NCOA1: variants seen among roughly 807,000 people sequenced by gnomAD.
The protein encoded by NCOA1 is Hin-2 protein.
Under a neutral mutation model 150.9 loss-of-function variants are expected in NCOA1, and 35 were observed. The observed-to-expected ratio is 0.23, with a 90% CI of 0.18 to 0.31. The LOEUF is 0.31. Ranked by LOEUF, NCOA1 falls within the 10% of genes least tolerant of loss-of-function variation. NCOA1 has a pLI of 1.00. For missense variants in NCOA1, 1,491 were observed against 1,749.3 expected (o/e 0.85, Z 2.63); for synonymous variants, 590 against 630.0 (o/e 0.94, Z 0.95).
At position 24,606,007 on chromosome 2, in the gene NCOA1, T is replaced by C. The variant is rs56141977; in HGVS notation, c.-175+21447T>C. 5.8e-4 allele frequency among the ~76,000 whole-genome samples: 89 copies of C among 152,318 alleles called. 1 individual carries two copies. The highest frequency in any genetic ancestry group is 2.0e-3 in the African/African-American group (84 of 41,572). On this transcript the variant is annotated intron_variant, in intron 3 of 22. Coordinates refer to ENST00000348332, the MANE Select transcript of NCOA1 (RefSeq NM_003743.5). The stretch of plus-strand genomic sequence containing the variant: ...CTAATTTTAAAGAGCGTGCTTCTTA[T>C]ATTTCACAGATATCTACAGTACATT...
intron 8 of NCOA1, among the ~76,000 whole-genome samples, chr2:24,685,914 G>T (rs1478132718): frequency 3.3e-5 from 5 of 152,178 alleles, no homozygotes; most frequent in Non-Finnish European, 7.3e-5. Context: ...CTTTCATAGT[G>T]TGCTCTTAGA....
intron 1 of NCOA1, among the ~76,000 whole-genome samples, chr2:24,526,013 CA>C (rs768415213): frequency 2.6e-5 from 4 of 152,074 alleles, no homozygotes; most frequent in Non-Finnish European, 5.9e-5. Flanking sequence ...ATTTGAAGAT[CA>C]AATACAGACA....
chr2:24,747,984 T>C (rs1016303160), intron 19 of NCOA1, among the ~76,000 whole-genome samples: 4 of 152,108 alleles, frequency 2.6e-5, no homozygotes, highest in Admixed American at 1.3e-4. Flanking sequence ...CGCATGCCTG[T>C]AATCCCAGCT....
chr2:24,618,676 A>G (rs1668982819), intron 3 of NCOA1, among the ~76,000 whole-genome samples: 1 of 152,146 alleles, frequency 6.6e-6, no homozygotes, highest in Non-Finnish European at 1.5e-5. Context: ...TTCTACCTCT[A>G]CAAACTGCCA....
Position 24,693,112 on chromosome 2 carries a change from C to T in NCOA1, c.713-140C>T, listed in dbSNP as rs1048293221. 6.8e-6 allele frequency: 5 copies of T among 739,328 alleles called. 1 individual carries two copies. The highest frequency in any genetic ancestry group is 2.4e-4 in the Middle Eastern group (1 of 4,238). 45.8% of individuals were successfully genotyped at this position (739,328 alleles called of 1,614,324 possible). A position where few individuals can be genotyped will look rare whatever the true frequency, so the allele number is the denominator to read the frequency against. The stretch of plus-strand genomic sequence containing the variant: ...CTTGTGATCCACCCACCTCGGCCTC[C>T]CAAAGTGCTGGGATTACAGGCGTGA... On this transcript the variant is annotated intron_variant, in intron 9 of 22. Transcript: ENST00000348332.
chr2:24,607,189 G>GT (rs397976699), intron 3 of NCOA1, among the ~76,000 whole-genome samples: 37,482 of 139,308 alleles, frequency 0.27, 5,179 homozygotes, highest in East Asian at 0.42. Flanking sequence ...GGGGTACTGT[G>GT]TTTTTTTTTT....
intron 19 of NCOA1, among the ~76,000 whole-genome samples, chr2:24,748,755 A>C (rs936165162): frequency 2.6e-5 from 4 of 152,200 alleles, no homozygotes; most frequent in Non-Finnish European, 4.4e-5. Flanking sequence ...TATATTAAAA[A>C]TAACCAAAAA....
chr2:24,607,862 G>A (rs1668442921), intron 3 of NCOA1, among the ~76,000 whole-genome samples: 1 of 152,078 alleles, frequency 6.6e-6, no homozygotes, highest in Non-Finnish European at 1.5e-5. Flanking sequence ...AACTTTCTTT[G>A]TGAGATTTTA....
At chr2:24,708,671 C>T (rs1673582534) in intron 13 of NCOA1, among the ~76,000 whole-genome samples, 1 of 152,122 alleles carries the variant, frequency 6.6e-6, no homozygotes, top group African/African-American at 2.4e-5. Flanking sequence ...AATCAGCAGA[C>T]AATGTATGTA....
intron 7 of NCOA1, among the ~76,000 whole-genome samples, chr2:24,679,833 CTAAG>C (rs1385501755): frequency 2.0e-4 from 30 of 152,056 alleles, no homozygotes; most frequent in African/African-American, 7.2e-4. Flanking sequence ...GCATTATGGA[CTAAG>C]TAAGTCACGG....
rs574356750 is a variant in NCOA1 at position 24,528,947 on chromosome 2, C to T, written c.-395-35348C>T. ...TCTTGCCCAGGCTGGAGTGCAGTGG[C>T]GCCATATTGGCTCACTGCAAGCTCC... On this transcript the variant is annotated intron_variant, in intron 1 of 22. Transcript: ENST00000348332. 9.2e-5 allele frequency among the ~76,000 whole-genome samples: 14 copies of T among 152,218 alleles called. No individual in the cohort carries two copies. In the South Asian group the frequency reaches 1.0e-3, roughly 11 times the overall value.
intron 4 of NCOA1, among the ~76,000 whole-genome samples, chr2:24,644,369 T>C (rs1208533467): frequency 6.6e-6 from 1 of 152,172 alleles, no homozygotes; most frequent in Non-Finnish European, 1.5e-5. Flanking sequence ...CCTTACTGAA[T>C]TGAAAATGGC....
intron 4 of NCOA1, among the ~76,000 whole-genome samples, chr2:24,653,575 C>T (rs1670798437): frequency 6.6e-6 from 1 of 151,956 alleles, no homozygotes; most frequent in South Asian, 2.1e-4. Flanking sequence ...GTTTCTCTAT[C>T]CTTTAGGTAT....
At chr2:24,739,017 C>G (rs753405509) in intron 17 of NCOA1, among the ~76,000 whole-genome samples, 1 of 152,112 alleles carries the variant, frequency 6.6e-6, no homozygotes, top group African/African-American at 2.4e-5. Flanking sequence ...TCTTCCAGAC[C>G]TTTGTAAAAT....
chr2:24,510,363 A>G (rs1476674349), intron 1 of NCOA1, among the ~76,000 whole-genome samples: 1 of 152,090 alleles, frequency 6.6e-6, no homozygotes, highest in Non-Finnish European at 1.5e-5. Flanking sequence ...TTTTTCTTAA[A>G]GGAGACGGGG....
In NCOA1 at chr2:24,683,117, C is replaced by A; in HGVS notation, c.521C>A (p.Pro174Gln). 6.4e-7 allele frequency: 1 copy of A among 1,566,524 alleles called. No individual in the cohort carries two copies. The highest frequency in any genetic ancestry group is 8.6e-7 in the Non-Finnish European group (1 of 1,162,548). ...DHAEFVKNLL[P>Q]KSLVNGVPWP... is the part of the protein sequence containing the mutation. ...GCAGAATTTGTGAAGAATCTGCTAC[C>A]AAAATCACTAGGTAAACAGAAATGT... The change falls in exon 8 of 23, where the codon CCA (proline) becomes CAA (glutamine). Residue 174 changes from proline to glutamine, a missense_variant. Pro to Gln is a moderately conservative substitution (Grantham distance 76). Transcript: ENST00000348332.
chr2:24,540,716 C>T (rs925969944), intron 1 of NCOA1, among the ~76,000 whole-genome samples: 1 of 152,186 alleles, frequency 6.6e-6, no homozygotes, highest in Non-Finnish European at 1.5e-5. Context: ...GCCTCAGCCT[C>T]CCGAAGTGCT....
At chr2:24,599,546 C>T (rs562846685) in intron 3 of NCOA1, among the ~76,000 whole-genome samples, 2 of 151,944 alleles carry the variant, frequency 1.3e-5, no homozygotes, top group Non-Finnish European at 2.9e-5. Flanking sequence ...GGCCCTTATA[C>T]GTAGGATTTT....
Position 24,741,954 on chromosome 2 carries a change from T to G in NCOA1, c.3474T>G (p.Arg1158=), listed in dbSNP as rs756550160. 6.2e-7 allele frequency: 1 copy of G among 1,614,196 alleles called. No individual in the cohort carries two copies. The highest frequency in any genetic ancestry group is 1.1e-5 in the South Asian group (1 of 91,082). ...SGLPVQMGNP[R]LPQGAPQQFP... is the part of the protein sequence containing the mutation. ...TACCAGTTCAAATGGGGAACCCCCGTCTTCCTCAGGGTGCTCCACAGCAAT... is the reference window on the plus strand; with the variant it reads ...TACCAGTTCAAATGGGGAACCCCCGGCTTCCTCAGGGTGCTCCACAGCAAT... The change falls in exon 19 of 23, where the codon CGT becomes CGG. Residue 1158 remains arginine, a synonymous_variant. Coordinates refer to ENST00000348332, the MANE Select transcript of NCOA1 (RefSeq NM_003743.5).
Sources: allele counts gnomAD v4.1 joint callset (sites outside exome capture counted in the v4.1 genomes callset), GRCh38; gene constraint gnomAD v4.1.1; transcripts MANE v1.5; gene names NCBI Gene and HGNC (gene_info 2026-07-23, HGNC 2026-07-21).